HDAC8: variants seen among roughly 807,000 people sequenced by gnomAD.
The protein encoded by HDAC8 is histone deacetylase-like 1.
Under a neutral mutation model 32.2 loss-of-function variants are expected in HDAC8, and 1 was observed. That is an observed-to-expected ratio of 0.03 (90% CI 0.01 to 0.15). The LOEUF is 0.15. HDAC8 is among the 10% of genes least tolerant of loss of function. The pLI, the probability that HDAC8 is intolerant of heterozygous loss-of-function variation, is 1.00. For missense variants in HDAC8, 117 were observed against 300.0 expected (o/e 0.39, Z 4.51); for synonymous variants, 108 against 113.9 (o/e 0.95, Z 0.33).
chrX:72,380,900 TCTTA>T (rs1223696294), intron 9 of HDAC8, among the ~76,000 whole-genome samples: 23 of 112,402 alleles, frequency 2.0e-4, no homozygotes, highest in African/African-American at 7.4e-4. Flanking sequence ...CACATTTTCT[TCTTA>T]CTAAGTCTTT....
At chrX:72,477,531 G>A (rs1603024289) in intron 7 of HDAC8, among the ~76,000 whole-genome samples, 3 of 111,568 alleles carry the variant, frequency 2.7e-5, no homozygotes, top group South Asian at 3.8e-4. Flanking sequence ...ATTCAAAGCC[G>A]AAATTCTGCC....
At chrX:72,493,042 C>G (rs1421104745) in intron 5 of HDAC8, among the ~76,000 whole-genome samples, 1 of 111,521 alleles carries the variant, frequency 9.0e-6, no homozygotes, top group Non-Finnish European at 1.9e-5. Flanking sequence ...GGAGAGAACA[C>G]TTGAGCTGGA....
intron 10 of HDAC8, among the ~76,000 whole-genome samples, chrX:72,342,988 T>C (rs1555945557): frequency 8.9e-6 from 1 of 111,826 alleles, no homozygotes; most frequent in Non-Finnish European, 1.9e-5. Flanking sequence ...TGGACTTTTC[T>C]TATATAGACA....
At chrX:72,486,170 A>T (rs1217930220) in intron 7 of HDAC8, among the ~76,000 whole-genome samples, 1 of 112,401 alleles carries the variant, frequency 8.9e-6, no homozygotes, top group African/African-American at 3.2e-5. Flanking sequence ...AAACTAAATG[A>T]CTTTTTACAA....
intron 4 of HDAC8, among the ~76,000 whole-genome samples, chrX:72,527,772 CTTT>C (rs1157041190): frequency 2.2e-5 from 2 of 89,519 alleles, no homozygotes; most frequent in Admixed American, 1.2e-4. Context: ...TTTCTGACCT[CTTT>C]TTTTTTTTTT....
At chrX:72,374,740 A>AT (rs201301998) in intron 9 of HDAC8, among the ~76,000 whole-genome samples, 2,060 of 107,270 alleles carry the variant, frequency 0.019, 52 homozygotes, top group African/African-American at 0.066. Flanking sequence ...TGATTCACAA[A>AT]TTTTTTTTCC....
intron 9 of HDAC8, among the ~76,000 whole-genome samples, chrX:72,397,332 G>A (rs1343369873): frequency 9.0e-6 from 1 of 111,718 alleles, no homozygotes; most frequent in African/African-American, 3.3e-5. Context: ...TCCATTATAA[G>A]AGTCTTTATC....
chrX:72,379,852 C>T (rs1189763027), intron 9 of HDAC8, among the ~76,000 whole-genome samples: 17 of 110,501 alleles, frequency 1.5e-4, no homozygotes, highest in East Asian at 5.7e-4. Context: ...TTCTTTGTCA[C>T]GTGGGGTCAC....
At chrX:72,479,487 A>G (rs146741209) in intron 7 of HDAC8, among the ~76,000 whole-genome samples, 1,482 of 112,151 alleles carry the variant, frequency 0.013, 30 homozygotes, top group African/African-American at 0.046. Context: ...AACATGTTCT[A>G]GCATCAGAAC....
At chrX:72,343,511 AATCTCTGTTCCC>A (rs1322174713) in intron 10 of HDAC8, among the ~76,000 whole-genome samples, 5 of 110,835 alleles carry the variant, frequency 4.5e-5, no homozygotes, top group African/African-American at 1.6e-4. Flanking sequence ...TCATTTCATT[AATCTCTGTTCCC>A]AAATGTCACC....
intron 10 of HDAC8, among the ~76,000 whole-genome samples, chrX:72,343,500 C>T (rs2043944500): frequency 9.0e-6 from 1 of 110,862 alleles, no homozygotes; most frequent in Admixed American, 9.6e-5. Context: ...ATCTCCTTCC[C>T]TCATTTCATT....
chrX:72,344,392 A>G (rs1357026576), intron 10 of HDAC8, among the ~76,000 whole-genome samples: 1 of 112,040 alleles, frequency 8.9e-6, no homozygotes, highest in African/African-American at 3.2e-5. Flanking sequence ...TTTTCTGTGC[A>G]TATCCCCTCT....
intron 9 of HDAC8, among the ~76,000 whole-genome samples, chrX:72,356,637 T>C (rs2044376180): frequency 9.1e-6 from 1 of 110,168 alleles, no homozygotes; most frequent in African/African-American, 3.3e-5. Flanking sequence ...TTCAGTGTCG[T>C]GATCTCGACT....
chrX:72,461,281 T>C (rs1309821408), intron 9 of HDAC8, among the ~76,000 whole-genome samples: 1 of 111,745 alleles, frequency 8.9e-6, no homozygotes, highest in Non-Finnish European at 1.9e-5. Context: ...GCAGGGGAAC[T>C]GGGGTGATAG....
Position 72,420,890 on chromosome X carries a change from G to GT in HDAC8, c.1005+41113dup, listed in dbSNP as rs1301930731. ...AATAAATTGCATGTAGTTGGATTAT[G>GT]TTTTTTTTTTAAATTCATTCTGCCA... On this transcript the variant is annotated intron_variant, in intron 9 of 10. Transcript: ENST00000373573. 2.1e-4 allele frequency among the ~76,000 whole-genome samples: 22 copies of GT among 107,180 alleles called. No individual in the cohort carries two copies. The South Asian group carries it at 2.8e-3, about 14-fold the overall frequency. 93.1% of individuals were successfully genotyped at this position (107,180 alleles called of 115,157 possible).
intron 4 of HDAC8, among the ~76,000 whole-genome samples, chrX:72,497,393 C>T (rs919366477): frequency 4.5e-5 from 5 of 111,292 alleles, no homozygotes; most frequent in Middle Eastern, 4.6e-3. Flanking sequence ...GGCAATTGAA[C>T]GTTCAAGATT....
intron 9 of HDAC8, among the ~76,000 whole-genome samples, chrX:72,379,704 G>A (rs781800274): frequency 1.1e-4 from 12 of 110,076 alleles, no homozygotes; most frequent in Non-Finnish European, 1.9e-4. Flanking sequence ...GTTTCGCCAC[G>A]TTGGCTAGGC....
intron 4 of HDAC8, among the ~76,000 whole-genome samples, chrX:72,520,239 T>C (rs1290790482): frequency 8.9e-6 from 1 of 112,015 alleles, no homozygotes; most frequent in Non-Finnish European, 1.9e-5. Context: ...ACCTCTTACA[T>C]TTAGGTCTCT....
intron 9 of HDAC8, among the ~76,000 whole-genome samples, chrX:72,431,269 C>T (rs1271589693): frequency 1.8e-5 from 2 of 112,179 alleles, no homozygotes; most frequent in Non-Finnish European, 3.8e-5. Context: ...AAAACTGTAT[C>T]ACTGGACAGA....
Sources: allele counts gnomAD v4.1 joint callset (sites outside exome capture counted in the v4.1 genomes callset), GRCh38; gene constraint gnomAD v4.1.1; transcripts MANE v1.5; gene names NCBI Gene and HGNC (gene_info 2026-07-23, HGNC 2026-07-21).